DCC: variants seen among roughly 807,000 people sequenced by gnomAD.
DCC encodes the protein DCC netrin 1 receptor.
Under a neutral mutation model 172.5 loss-of-function variants are expected in DCC, and 58 were observed. The ratio of observed to expected loss-of-function variants is 0.34; its 90% CI spans 0.27 to 0.42. DCC has a LOEUF of 0.42. DCC is among the 10% of genes least tolerant of loss of function. The pLI is 1.00. For synonymous variants in DCC, 709 were observed against 644.5 expected (o/e 1.10, Z -1.52); for missense variants, 1,740 against 1,791.0 (o/e 0.97, Z 0.51).
intron 1 of DCC, among the ~76,000 whole-genome samples, chr18:52,484,424 T>A (rs2030109652): frequency 6.6e-6 from 1 of 152,108 alleles, no homozygotes; most frequent in Non-Finnish European, 1.5e-5. Flanking sequence ...CAGGAGGAAC[T>A]CTATCATTCT....
At chr18:53,231,272 T>A (rs765814375) in intron 12 of DCC, among the ~76,000 whole-genome samples, 1 of 152,064 alleles carries the variant, frequency 6.6e-6, no homozygotes. Context: ...TAAGCAAACA[T>A]TTGTGTTATG....
chr18:52,371,926 G>A (rs889607933), intron 1 of DCC, among the ~76,000 whole-genome samples: 1 of 152,166 alleles, frequency 6.6e-6, no homozygotes, highest in African/African-American at 2.4e-5. Context: ...CCAGGCTGAA[G>A]AAGAAGGAGC....
chr18:53,361,271 G>A (rs563780239), intron 15 of DCC, among the ~76,000 whole-genome samples: 2 of 152,074 alleles, frequency 1.3e-5, no homozygotes, highest in Non-Finnish European at 2.9e-5. Context: ...GTGAAGAAAC[G>A]ATTTTTGTTG....
At chr18:52,480,449 C>T (rs1405078883) in intron 1 of DCC, among the ~76,000 whole-genome samples, 1 of 152,052 alleles carries the variant, frequency 6.6e-6, no homozygotes. Flanking sequence ...TATGTATAAG[C>T]AAACCTATTC....
chr18:53,436,814 G>A (rs1029908740), intron 22 of DCC, among the ~76,000 whole-genome samples: 1 of 152,032 alleles, frequency 6.6e-6, no homozygotes, highest in African/African-American at 2.4e-5. Flanking sequence ...GAAATTTATT[G>A]CTCACAGTTT....
intron 7 of DCC, among the ~76,000 whole-genome samples, chr18:53,128,834 C>CAT (rs1392199306): frequency 4.6e-5 from 3 of 65,834 alleles, no homozygotes; most frequent in East Asian, 1.3e-3. Flanking sequence ...TACACATACA[C>CAT]ACACACACAC....
chr18:53,446,110 A>AC (rs1010447149), intron 22 of DCC, among the ~76,000 whole-genome samples: 1 of 138,188 alleles, frequency 7.2e-6, no homozygotes, highest in African/African-American at 3.0e-5. Context: ...AAAAAAAAAA[A>AC]AAAACAAAAA....
At chr18:52,848,205 C>T (rs2145334225) in intron 2 of DCC, among the ~76,000 whole-genome samples, 1 of 151,758 alleles carries the variant, frequency 6.6e-6, no homozygotes, top group South Asian at 2.1e-4. Context: ...CCTGCCCCAG[C>T]CTCCGGAGTG....
chr18:53,128,532 A>T (rs898194088), intron 7 of DCC, among the ~76,000 whole-genome samples: 1 of 151,400 alleles, frequency 6.6e-6, no homozygotes, highest in Non-Finnish European at 1.5e-5. Flanking sequence ...TTCTTCTGAA[A>T]CTCTTAGTAC....
rs185911562 is a variant in DCC at position 53,239,176 on chromosome 18, T to C, written c.1911+23579T>C. Among the ~76,000 whole-genome samples the C allele has an allele frequency of 3.1e-3, 450 of 146,124 alleles. 1 individual carries two copies. The highest frequency in any genetic ancestry group is 0.011 in the African/African-American group (418 of 39,480). On this transcript the variant is annotated intron_variant, in intron 12 of 28. Coordinates refer to ENST00000442544, the MANE Select transcript of DCC (RefSeq NM_005215.4). ...ACCTGCACGTTGTGCACATGTACCC[T>C]AGAACTTAAAATATAATAATAATAA...
intron 12 of DCC, among the ~76,000 whole-genome samples, chr18:53,222,776 A>G (rs956973401): frequency 6.6e-6 from 1 of 152,140 alleles, no homozygotes; most frequent in Non-Finnish European, 1.5e-5. Flanking sequence ...AAAGGCTATG[A>G]GAAGTATTTG....
At chr18:53,347,878 G>T (rs1001122302) in intron 15 of DCC, among the ~76,000 whole-genome samples, 2 of 152,096 alleles carry the variant, frequency 1.3e-5, no homozygotes, top group African/African-American at 4.8e-5. Context: ...TAAGAACAGT[G>T]CAGGAAAGAC....
chr18:52,550,758 G>A (rs1364014031), intron 1 of DCC, among the ~76,000 whole-genome samples: 1 of 152,046 alleles, frequency 6.6e-6, no homozygotes, highest in East Asian at 1.9e-4. Context: ...TCCTCTATTA[G>A]GAATAGTAAT....
intron 2 of DCC, among the ~76,000 whole-genome samples, chr18:52,886,668 G>A (rs1456456582): frequency 6.6e-6 from 1 of 152,134 alleles, no homozygotes; most frequent in African/African-American, 2.4e-5. Flanking sequence ...TGGGAAAAGG[G>A]GGAGGGATGG....
intron 7 of DCC, among the ~76,000 whole-genome samples, chr18:53,112,104 C>G (rs4380115): frequency 0.1 from 15,487 of 151,054 alleles, 1,152 homozygotes; most frequent in Admixed American, 0.22. Context: ...AAAAACAAAT[C>G]AAAACCAAAA....
At chr18:53,329,339 CTTA>C (rs1009397335) in intron 14 of DCC, among the ~76,000 whole-genome samples, 62 of 152,002 alleles carry the variant, frequency 4.1e-4, no homozygotes, top group African/African-American at 1.1e-3. Context: ...GGAAAGAAAT[CTTA>C]TTATTATAAA....
chr18:52,366,377 A>G (rs188129114), intron 1 of DCC, among the ~76,000 whole-genome samples: 1 of 152,194 alleles, frequency 6.6e-6, no homozygotes, highest in South Asian at 2.1e-4. Context: ...GCGGGTTGCC[A>G]ATGCTGGCTC....
chr18:52,593,219 C>A (rs2033837983), intron 1 of DCC, among the ~76,000 whole-genome samples: 1 of 152,162 alleles, frequency 6.6e-6, no homozygotes, highest in Non-Finnish European at 1.5e-5. Context: ...GAACCATTTT[C>A]CAACTTACAG....
intron 17 of DCC, among the ~76,000 whole-genome samples, chr18:53,397,078 C>T (rs1908997524): frequency 6.6e-6 from 1 of 150,464 alleles, no homozygotes; most frequent in Admixed American, 6.7e-5. Flanking sequence ...TCTAGTAGCC[C>T]CTTTGGACAA....
Sources: allele counts gnomAD v4.1 joint callset (sites outside exome capture counted in the v4.1 genomes callset), GRCh38; gene constraint gnomAD v4.1.1; transcripts MANE v1.5; gene names NCBI Gene and HGNC (gene_info 2026-07-23, HGNC 2026-07-21).